MUSK: variants seen among roughly 807,000 people sequenced by gnomAD.
MUSK encodes muscle, skeletal receptor tyrosine-protein kinase.
MUSK carries 55 observed loss-of-function variants against 88.7 expected under a neutral mutation model. The observed-to-expected ratio is 0.62, with a 90% CI of 0.50 to 0.78. MUSK has a LOEUF of 0.78. Ranked by LOEUF, MUSK falls within the 30% of genes least tolerant of loss-of-function variation. The probability of loss-of-function intolerance (pLI) is 0.00; values close to 1 mark genes in which losing one functional copy is unlikely to be tolerated. For missense variants in MUSK, 1,015 were observed against 1,074.3 expected, an observed-to-expected ratio of 0.94 and a Z score of 0.77; for synonymous variants, 387 against 391.9, an observed-to-expected ratio of 0.99 and a Z score of 0.15.
rs1422409671 is a variant in MUSK, at chr9:110,806,352, T to A, written c.*5364T>A. On this transcript the variant is annotated 3_prime_UTR_variant, in exon 15 of 15. Transcript: ENST00000374448. ...GCTACATAAAATTAGAGCTTCCAAATTTCCCTCCATCACTTCTCCCTGCTC... is the reference window on the plus strand; with the variant it reads ...GCTACATAAAATTAGAGCTTCCAAAATTCCCTCCATCACTTCTCCCTGCTC... 1.3e-5 allele frequency among the ~76,000 whole-genome samples: 2 copies of A among 152,158 alleles called. No individual in the cohort carries two copies. The highest frequency in any genetic ancestry group is 4.8e-5 in the African/African-American group (2 of 41,466).
intron 8 of MUSK, 134 bp from the exon 9 acceptor site, chr9:110,767,686 G>T (rs963542721): frequency 7.7e-6 from 7 of 912,000 alleles, no homozygotes; most frequent in Non-Finnish European, 1.2e-5. Flanking sequence ...CAAATGGAGC[G>T]TGTCAACCAA....
intron 7 of MUSK, among the ~76,000 whole-genome samples, chr9:110,755,119 G>A (rs892116915): frequency 5.3e-5 from 8 of 152,140 alleles, no homozygotes; most frequent in African/African-American, 2.4e-5. Context: ...CGCAGTTGGA[G>A]TCCTGCAAAT....
intron 5 of MUSK, among the ~76,000 whole-genome samples, chr9:110,720,183 A>G (rs2076792848): frequency 6.6e-6 from 1 of 152,082 alleles, no homozygotes; most frequent in African/African-American, 2.4e-5. Context: ...TCTCCATGCA[A>G]TTGGTGAAAC....
At chr9:110,780,156 A>T (rs1012021385) in intron 11 of MUSK, among the ~76,000 whole-genome samples, 2 of 152,018 alleles carry the variant, frequency 1.3e-5, no homozygotes, top group African/African-American at 4.8e-5. Context: ...TACTATCTTA[A>T]CTGTATATTT....
At chr9:110,759,032 TAAAC>T (rs1161026833) in intron 7 of MUSK, among the ~76,000 whole-genome samples, 2 of 152,130 alleles carry the variant, frequency 1.3e-5, no homozygotes, top group Non-Finnish European at 2.9e-5. Context: ...AAGGCAACCC[TAAAC>T]AAAAAGAACA....
intron 8 of MUSK, among the ~76,000 whole-genome samples, chr9:110,762,949 A>G (rs957813755): frequency 2.0e-5 from 3 of 152,168 alleles, no homozygotes; most frequent in Non-Finnish European, 4.4e-5. Flanking sequence ...ATTCTTGACA[A>G]CCACTGAGAA....
chr9:110,674,868 T>TTA (rs1320858325), intron 1 of MUSK, among the ~76,000 whole-genome samples: 1 of 152,008 alleles, frequency 6.6e-6, no homozygotes, highest in Non-Finnish European at 1.5e-5. Flanking sequence ...CACCTCGGCC[T>TTA]CAAAAGTGCT....
In MUSK at chr9:110,800,836, A is replaced by C. The variant is rs778542029; in HGVS notation, c.2458A>C (p.Ile820Leu). The change falls in exon 15 of 15, where the codon ATC becomes CTC. Residue 820 changes from isoleucine (I) to leucine (L), a missense_variant. By Grantham distance (5) the Ile-to-Leu change is conservative. Transcript: ENST00000374448. ...EVIYYVRDGN[I>L]LSCPENCPVE... is the part of the protein sequence containing the mutation. The stretch of plus-strand genomic sequence containing the variant: ...CATTTACTACGTGCGAGATGGCAAC[A>C]TCCTCTCCTGCCCTGAGAACTGCCC... The C allele has an allele frequency of 1.9e-6, 3 of 1,611,490 alleles. No individual in the cohort carries two copies. Among genetic ancestry groups the C allele is most frequent in the African/African-American group, 2.7e-5 (2 of 74,938 alleles).
chr9:110,670,854 AC>A (rs2131618604), intron 1 of MUSK, among the ~76,000 whole-genome samples: 1 of 152,306 alleles, frequency 6.6e-6, no homozygotes, highest in South Asian at 2.1e-4. Context: ...TTTATTTACT[AC>A]ATACAGCAGT....
intron 3 of MUSK, among the ~76,000 whole-genome samples, chr9:110,689,620 T>C (rs2076265425): frequency 1.2e-5 from 1 of 80,542 alleles, no homozygotes; most frequent in South Asian, 3.8e-4. Flanking sequence ...TTTTAGTATA[T>C]ATATTATATA....
At chr9:110,692,500 C>T (rs985253244) in intron 3 of MUSK, among the ~76,000 whole-genome samples, 3 of 151,872 alleles carry the variant, frequency 2.0e-5, no homozygotes, top group African/African-American at 7.3e-5. Flanking sequence ...ATCTAAAGAC[C>T]AAAGCTTTTT....
intron 6 of MUSK, among the ~76,000 whole-genome samples, chr9:110,738,009 T>G (rs1034588688): frequency 4.6e-5 from 7 of 152,142 alleles, no homozygotes; most frequent in African/African-American, 7.2e-5. Flanking sequence ...CTTTGCTGAC[T>G]TTCTTAAAGT....
In MUSK at chr9:110,689,739, A is replaced by ATTTTTATATTATTATATAATTATT. The variant is rs1564217984; in HGVS notation, c.358+2471_358+2472insTTTTTATATTATTATATAATTATT. On this transcript the variant is annotated intron_variant, in intron 3 of 14. Transcript: ENST00000374448. ...TATATGTTATATATAGTTTATATAT[A>ATTTTTATATTATTATATAATTATT]ATATTATATATTATATATAAACTAT... Among the ~76,000 whole-genome samples, 3 of 10,492 alleles carry ATTTTTATATTATTATATAATTATT rather than the reference A, an allele frequency of 2.9e-4. No individual in the cohort carries two copies. In the East Asian group the frequency reaches 0.011, roughly 37 times the overall value. The allele number at this position is 10,492 out of a possible 152,430, so 6.9% of individuals were successfully genotyped here. A position where few individuals can be genotyped will look rare whatever the true frequency, so the allele number is the denominator to read the frequency against.
At position 110,670,971 on chromosome 9, in the gene MUSK, C is replaced by CATT. The variant is rs141833203; in HGVS notation, c.79+2004_79+2006dup. On this transcript the variant is annotated intron_variant, in intron 1 of 14. Coordinates refer to ENST00000374448, the MANE Select transcript of MUSK (RefSeq NM_005592.4). ...AACCACAATAAAATTTTATTATTTTCATTATTATTATTATTATTTGAGACA... is the reference window on the plus strand; with the variant it reads ...AACCACAATAAAATTTTATTATTTTCATTATTATTATTATTATTATTTGAGACA... 3.2e-3 allele frequency among the ~76,000 whole-genome samples: 490 copies of CATT among 151,556 alleles called. 1 individual carries two copies. Among genetic ancestry groups the CATT allele is most frequent in the African/African-American group, 0.011 (455 of 41,308 alleles).
chr9:110,730,291 A>T (rs1421270165), intron 5 of MUSK, among the ~76,000 whole-genome samples: 2 of 152,082 alleles, frequency 1.3e-5, no homozygotes, highest in Non-Finnish European at 2.9e-5. Flanking sequence ...TTGGAGAAGG[A>T]TGGATAAGAC....
chr9:110,729,941 C>A (rs2131828829), intron 5 of MUSK, among the ~76,000 whole-genome samples: 1 of 152,036 alleles, frequency 6.6e-6, no homozygotes, highest in South Asian at 2.1e-4. Context: ...TGAATTATGC[C>A]TTTATCTTTT....
At chr9:110,734,662 T>C (rs969627448) in intron 6 of MUSK, among the ~76,000 whole-genome samples, 2 of 152,118 alleles carry the variant, frequency 1.3e-5, no homozygotes, top group African/African-American at 4.8e-5. Context: ...AGTAAAATAA[T>C]TTTCATTAAA....
At chr9:110,787,413 G>T (rs565411605) in intron 13 of MUSK, among the ~76,000 whole-genome samples, 12 of 151,594 alleles carry the variant, frequency 7.9e-5, no homozygotes, top group African/African-American at 2.7e-4. Flanking sequence ...TCCTATTGGG[G>T]GTGTATACTT....
intron 5 of MUSK, among the ~76,000 whole-genome samples, chr9:110,727,090 C>T (rs1040966188): frequency 6.6e-5 from 10 of 151,996 alleles, no homozygotes; most frequent in South Asian, 2.1e-4. Flanking sequence ...CTCCTTTTAA[C>T]GATAAATATA....
Sources: allele counts gnomAD v4.1 joint callset (sites outside exome capture counted in the v4.1 genomes callset), GRCh38; gene constraint gnomAD v4.1.1; transcripts MANE v1.5; gene names NCBI Gene and HGNC (gene_info 2026-07-23, HGNC 2026-07-21).